STAU2: variants seen among roughly 807,000 people sequenced by gnomAD.
STAU2 encodes staufen double-stranded RNA binding protein 2, also known as double-stranded RNA-binding protein Staufen homolog 2.
A neutral mutation model predicts 65.9 loss-of-function variants in STAU2; 20 were observed. The observed-to-expected ratio is 0.30, with a 90% confidence interval of 0.21 to 0.44. The LOEUF (loss-of-function observed/expected upper bound fraction) is 0.44, where lower values mean the gene tolerates loss of function less well. Among genes scored for constraint, STAU2 ranks in the 20% least tolerant of loss-of-function variants. The pLI is 1.00. For missense variants in STAU2, 558 were observed against 683.9 expected (o/e 0.82, Z 2.05); for synonymous variants, 232 against 233.9 (o/e 0.99, Z 0.07).
At chr8:73,722,062 T>C (rs554191057) in intron 3 of STAU2, among the ~76,000 whole-genome samples, 2 of 152,298 alleles carry the variant, frequency 1.3e-5, no homozygotes, top group Admixed American at 1.3e-4. Flanking sequence ...AACTCTCTAT[T>C]TTGCTATTTT....
rs71561522 is a variant in STAU2 at position 73,429,413 on chromosome 8, C to CTTTTTTTT, written c.1531-6719_1531-6712dup. On this transcript the variant is annotated intron_variant, in intron 13 of 14. Transcript: ENST00000524300. ...AACCAATCTATATTCTTGCTCAGGT[C>CTTTTTTTT]TTTTTTTTTTTTTTTTTTTTTTTTT... Among the ~76,000 whole-genome samples the CTTTTTTTT allele has an allele frequency of 1.7e-3, 108 of 65,364 alleles. 41 individuals carry two copies. The highest frequency in any genetic ancestry group is 2.6e-3 in the Non-Finnish European group (74 of 28,528). The allele number at this position is 65,364 out of a possible 152,430, so 42.9% of individuals were successfully genotyped here.
At chr8:73,510,930 T>C (rs1248908483) in intron 13 of STAU2, among the ~76,000 whole-genome samples, 1 of 152,246 alleles carries the variant, frequency 6.6e-6, no homozygotes, top group East Asian at 1.9e-4. Flanking sequence ...TATTTGTAAA[T>C]TTAAAAGTTA....
intron 13 of STAU2, among the ~76,000 whole-genome samples, chr8:73,484,660 A>G (rs1471331350): frequency 1.3e-5 from 2 of 152,094 alleles, no homozygotes; most frequent in Non-Finnish European, 2.9e-5. Context: ...CCAATACCCA[A>G]GTTACATAAA....
At chr8:73,562,083 T>A (rs1473548752) in intron 12 of STAU2, among the ~76,000 whole-genome samples, 3 of 152,258 alleles carry the variant, frequency 2.0e-5, no homozygotes, top group Non-Finnish European at 4.4e-5. Flanking sequence ...TCTTGAAATA[T>A]TCTAACACCA....
intron 5 of STAU2, among the ~76,000 whole-genome samples, chr8:73,683,607 C>T (rs775387835): frequency 3.3e-5 from 5 of 151,978 alleles, no homozygotes; most frequent in African/African-American, 4.8e-5. Flanking sequence ...AAGTCCTAGC[C>T]GGAGCAATCG....
intron 12 of STAU2, among the ~76,000 whole-genome samples, chr8:73,558,273 T>C (rs1328432710): frequency 1.3e-5 from 2 of 152,198 alleles, no homozygotes; most frequent in East Asian, 3.8e-4. Flanking sequence ...TGGTTGTCCC[T>C]AGATGTTCCA....
At chr8:73,512,715 TAAAG>T (rs1268303210) in intron 13 of STAU2, among the ~76,000 whole-genome samples, 4 of 152,092 alleles carry the variant, frequency 2.6e-5, no homozygotes, top group African/African-American at 9.7e-5. Context: ...CATCTGGAAA[TAAAG>T]AACATTTTGC....
At chr8:73,593,414 TC>T (rs1160180075) in intron 11 of STAU2, among the ~76,000 whole-genome samples, 1 of 152,194 alleles carries the variant, frequency 6.6e-6, no homozygotes, top group Non-Finnish European at 1.5e-5. Context: ...AATTCCTCAC[TC>T]CCTGCACTTA....
chr8:73,745,416 G>T (rs533223322), intron 1 of STAU2, among the ~76,000 whole-genome samples: 7 of 152,326 alleles, frequency 4.6e-5, no homozygotes, highest in African/African-American at 1.4e-4. Flanking sequence ...GGACGGGGAA[G>T]AAATATCCTG....
At chr8:73,564,253 C>T (rs771847459) in intron 12 of STAU2, among the ~76,000 whole-genome samples, 24 of 152,094 alleles carry the variant, frequency 1.6e-4, no homozygotes, top group Non-Finnish European at 2.5e-4. Flanking sequence ...TTAGTTTTCC[C>T]GGCACCATTT....
At chr8:73,654,835 C>T (rs1016298107) in intron 6 of STAU2, among the ~76,000 whole-genome samples, 17 of 151,388 alleles carry the variant, frequency 1.1e-4, no homozygotes, top group African/African-American at 3.4e-4. Context: ...TACAGGCGCG[C>T]GCCACCATGC....
At chr8:73,734,892 A>C (rs1404167352) in intron 3 of STAU2, among the ~76,000 whole-genome samples, 1 of 152,160 alleles carries the variant, frequency 6.6e-6, no homozygotes, top group Non-Finnish European at 1.5e-5. Flanking sequence ...ACAACGTTGA[A>C]AATCACGTAG....
At chr8:73,485,184 G>A (rs1439634670) in intron 13 of STAU2, among the ~76,000 whole-genome samples, 5 of 112,284 alleles carry the variant, frequency 4.5e-5, no homozygotes, top group African/African-American at 1.4e-4. Context: ...ACAGAATCTC[G>A]CTCTATCACC....
chr8:73,569,952 G>T (rs1223714844), intron 12 of STAU2, among the ~76,000 whole-genome samples: 1 of 152,234 alleles, frequency 6.6e-6, no homozygotes, highest in African/African-American at 2.4e-5. Context: ...AAAAAAGCTG[G>T]ATGGAGAACG....
chr8:73,708,122 A>T (rs1177903477), intron 4 of STAU2, among the ~76,000 whole-genome samples: 1 of 152,250 alleles, frequency 6.6e-6, no homozygotes, highest in Non-Finnish European at 1.5e-5. Flanking sequence ...ATATGAACAA[A>T]TTAAATTGTT....
At chr8:73,535,569 T>A (rs1460216486) in intron 13 of STAU2, among the ~76,000 whole-genome samples, 1 of 152,232 alleles carries the variant, frequency 6.6e-6, no homozygotes, top group Admixed American at 6.5e-5. Context: ...ACAATTATTT[T>A]AGTTTTACAT....
chr8:73,427,689 G>T (rs1816927299), intron 13 of STAU2, among the ~76,000 whole-genome samples: 1 of 152,230 alleles, frequency 6.6e-6, no homozygotes, highest in African/African-American at 2.4e-5. Flanking sequence ...ATGCGCGTGG[G>T]GCGCTAAAGG....
chr8:73,520,862 TG>T (rs1823001427), intron 13 of STAU2, among the ~76,000 whole-genome samples: 1 of 152,198 alleles, frequency 6.6e-6, no homozygotes, highest in African/African-American at 2.4e-5. Context: ...ACCCTTCCTT[TG>T]AACTTCCTGT....
Position 73,589,270 on chromosome 8 carries a change from A to G in STAU2, c.1161+5896T>C, listed in dbSNP as rs182161589. On this transcript the variant is annotated intron_variant, in intron 11 of 14. Coordinates refer to ENST00000524300, the MANE Select transcript of STAU2 (RefSeq NM_001164380.2). ...ATATGCTGATTTCTCAACAAATACT[A>G]TTTGACTTAGCCTCTACTATTTTTC... 1.8e-4 allele frequency among the ~76,000 whole-genome samples: 28 copies of G among 152,322 alleles called. No homozygotes were observed. The East Asian group carries it at 5.2e-3, about 28-fold the overall frequency.
Sources: allele counts gnomAD v4.1 joint callset (sites outside exome capture counted in the v4.1 genomes callset), GRCh38; gene constraint gnomAD v4.1.1; transcripts MANE v1.5; gene names NCBI Gene and HGNC (gene_info 2026-07-23, HGNC 2026-07-21).